DMAP1: variants seen among roughly 807,000 people sequenced by gnomAD.
The protein encoded by DMAP1 is DNA methyltransferase 1-associated protein 1.
DMAP1 carries 26 observed loss-of-function variants against 52.7 expected under a neutral mutation model. That is an observed-to-expected ratio of 0.49 (90% confidence interval 0.36 to 0.68). DMAP1 has a LOEUF of 0.68. Ranked by LOEUF, DMAP1 falls within the 30% of genes least tolerant of loss-of-function variation. The probability of loss-of-function intolerance (pLI) is 0.00; values close to 1 mark genes in which losing one functional copy is unlikely to be tolerated. For synonymous variants in DMAP1, 231 were observed against 246.0 expected, an observed-to-expected ratio of 0.94 and a Z score of 0.57; for missense variants, 439 against 625.2, an observed-to-expected ratio of 0.70 and a Z score of 3.18.
chr1:44,220,351 G>A (rs767896999), intron 9 of DMAP1, 42 bp downstream of exon 9: 3 of 1,522,620 alleles, frequency 2.0e-6, no homozygotes, highest in Non-Finnish European at 2.6e-6. Context: ...TGGGCCCTGC[G>A]AGTGAGCACA....
In DMAP1 at chr1:44,213,790, C is replaced by T. The variant is rs1643730330; in HGVS notation, c.37C>T (p.Leu13Phe). 1.3e-6 allele frequency: 2 copies of T among 1,593,980 alleles called. No homozygotes were observed. Among genetic ancestry groups the T allele is most frequent in the Non-Finnish European group, 1.7e-6 (2 of 1,170,804 alleles). The stretch of plus-strand genomic sequence containing the variant: ...CGCGGATGTACGGGACATTCTAGAA[C>T]TCGGGGGTCCAGAAGGGGATGCAGC... ...TGADVRDILELGGPEGDAASG... is the reference protein window; with the variant it reads ...TGADVRDILEFGGPEGDAASG... Residue 13 changes from leucine to phenylalanine, a missense_variant, in exon 1 of 10, where the codon CTC (leucine) becomes TTC (phenylalanine). Physicochemically the swap from Leu to Phe is conservative, Grantham distance 22. Transcript: ENST00000372289. This position sits in a 1 kb window ranked among gnomAD's most constrained non-coding sequence, Gnocchi z 4.5.
rs765353094 is a variant in DMAP1 at position 44,213,812 on chromosome 1, C to T, written c.59C>T (p.Ala20Val). The T allele has an allele frequency of 6.3e-7, 1 of 1,596,182 alleles. No individual in the cohort carries two copies. Among genetic ancestry groups the T allele is most frequent in the Non-Finnish European group, 8.5e-7 (1 of 1,171,712 alleles). ...GAACTCGGGGGTCCAGAAGGGGATG[C>T]AGCCTCTGGGACCATCAGCAAGAAG... is the stretch of plus-strand genomic sequence containing the variant. ...ILELGGPEGD[A>V]ASGTISKKDI... The change falls in exon 1 of 10, where the codon GCA becomes GTA. Residue 20 changes from alanine (A) to valine (V), a missense_variant. Ala to Val is a moderately conservative substitution (Grantham distance 64). Coordinates refer to ENST00000372289, the MANE Select transcript of DMAP1 (RefSeq NM_019100.5). The surrounding 1 kb of genome is among the most constrained non-coding windows in gnomAD (Gnocchi z 4.5).
At position 44,218,552 on chromosome 1, in the gene DMAP1, T is replaced by C. The variant is rs1643840241; in HGVS notation, c.553-36T>C. On this transcript the variant is annotated intron_variant, in intron 4 of 9. Transcript: ENST00000372289. The surrounding 1 kb of genome is among the most constrained non-coding windows in gnomAD (Gnocchi z 5.6). ...TTATGCCATCTCTTCCACATGCCCC[T>C]GAATGTTCATTCCTCTACCCTGTCT... 5.0e-6 allele frequency: 8 copies of C among 1,608,102 alleles called. No homozygotes were observed. The highest frequency in any genetic ancestry group is 6.8e-6 in the Non-Finnish European group (8 of 1,175,438).
chr1:44,214,430 C>T lies in DMAP1; in HGVS notation c.186C>T (p.Tyr62=), dbSNP rs1352806111. Residue 62 remains tyrosine (Y), a synonymous_variant, in exon 2 of 10, where the codon TAC becomes TAT. Transcript: ENST00000372289. ...GMHREVYALL[Y]SDKKDAPPLL... ...ACCGGGAAGTCTATGCCTTGCTCTA[C>T]TCTGACAAGAAGCAAGTATTGGAGT... is the stretch of plus-strand genomic sequence containing the variant. The T allele has an allele frequency of 6.2e-7, 1 of 1,614,140 alleles. No individual in the cohort carries two copies. The highest frequency in any genetic ancestry group is 8.5e-7 in the Non-Finnish European group (1 of 1,180,006).
intron 3 of DMAP1, chr1:44,215,988 CT>C (rs781565504): frequency 6.6e-6 from 1 of 152,540 alleles, no homozygotes; most frequent in Non-Finnish European, 1.5e-5. Flanking sequence ...ATCTTTGTCC[CT>C]GGGCTGGAGT....
At position 44,219,039 on chromosome 1, in the gene DMAP1, A is replaced by C. The variant is rs769519173; in HGVS notation, c.721-17A>C. ...CTAGAAGTGCCCTCACACACTTCGC[A>C]TCCCTCACTTTCCCAGGTGGCAGAG... On this transcript the variant is annotated splice_polypyrimidine_tract_variant and intron_variant, in intron 5 of 9. Transcript: ENST00000372289. 8 of 1,613,548 alleles carry C rather than the reference A, an allele frequency of 5.0e-6. No homozygotes were observed. The South Asian group carries it at 8.8e-5, about 18-fold the overall frequency.
At chr1:44,217,768 G>T (rs1379754913) in intron 3 of DMAP1, 3 of 208,216 alleles carry the variant, frequency 1.4e-5, no homozygotes, top group Non-Finnish European at 3.0e-5. Context: ...TTGTCTCTGG[G>T]GGAGGTCTGT....
chr1:44,214,041 G>A (rs568169992), intron 1 of DMAP1, among the ~76,000 whole-genome samples, 183 bp downstream of exon 1: 1 of 152,366 alleles, frequency 6.6e-6, no homozygotes, highest in East Asian at 1.9e-4. Context: ...CATCGTGGGA[G>A]ATGGTGGGAC....
intron 2 of DMAP1, 116 bp downstream of exon 2, chr1:44,214,557 TAGC>T: frequency 6.2e-7 from 1 of 1,612,516 alleles, no homozygotes; most frequent in African/African-American, 1.3e-5. Flanking sequence ...CCTGCTTGCT[TAGC>T]AGGATGCAGG....
rs931241626 is a variant in DMAP1, at chr1:44,218,742, G to A, written c.707G>A (p.Arg236Gln). 8 of 1,607,706 alleles carry A rather than the reference G, an allele frequency of 5.0e-6. No individual in the cohort carries two copies. The highest frequency in any genetic ancestry group is 2.2e-5 in the East Asian group (1 of 44,736). The change falls in exon 5 of 10, where the codon CGG (arginine) becomes CAG (glutamine). Residue 236 changes from arginine to glutamine, a missense_variant. Transcript: ENST00000372289. The surrounding 1 kb of genome is among the most constrained non-coding windows in gnomAD (Gnocchi z 5.6). ...GAACAGCTTGAGCGTCTCTACAACCGGACCCCAGAGCAGGTAAGCCCAAGG... is the reference window on the plus strand; with the variant it reads ...GAACAGCTTGAGCGTCTCTACAACCAGACCCCAGAGCAGGTAAGCCCAAGG... Reference protein sequence around the residue: ...RKEQLERLYNRTPEQVAEEEY... With the variant: ...RKEQLERLYNQTPEQVAEEEY...
intron 2 of DMAP1, 125 bp downstream of exon 2, chr1:44,214,566 G>A (rs761562191): frequency 5.0e-6 from 8 of 1,612,408 alleles, no homozygotes; most frequent in South Asian, 3.3e-5. Context: ...TTAGCAGGAT[G>A]CAGGAGGACC....
At position 44,213,680 on chromosome 1, in the gene DMAP1, C is replaced by T. The variant is rs1572023825; in HGVS notation, c.-74C>T. On this transcript the variant is annotated 5_prime_UTR_variant, in exon 1 of 10. Transcript: ENST00000372289. The surrounding 1 kb of genome is among the most constrained non-coding windows in gnomAD (Gnocchi z 4.5). ...CCGCTTAGGTCTGGATTGGCCCCGCCCCCTGACCTGAGCCTGGTCCTTCTT... is the reference window on the plus strand; with the variant it reads ...CCGCTTAGGTCTGGATTGGCCCCGCTCCCTGACCTGAGCCTGGTCCTTCTT... 7.1e-7 allele frequency: 1 copy of T among 1,416,902 alleles called. No homozygotes were observed. Among genetic ancestry groups the T allele is most frequent in the African/African-American group, 1.4e-5 (1 of 70,542 alleles). The allele number at this position is 1,416,902 out of a possible 1,614,324, so 87.8% of individuals were successfully genotyped here.
In DMAP1 at chr1:44,218,350, C is replaced by G. The variant is rs1643836000; in HGVS notation, c.433C>G (p.Leu145Val). ...VPVYSEQEYQ[L>V]YLHDDAWTKA... The stretch of plus-strand genomic sequence containing the variant: ...TGTGTACTCGGAGCAGGAGTACCAG[C>G]TTTATCTCCACGATGATGCTTGGAC... The change falls in exon 4 of 10, where the codon CTT becomes GTT. Residue 145 changes from leucine (L) to valine (V), a missense_variant. By Grantham distance (32) the Leu-to-Val change is conservative. Around this residue, in one of 3 missense-constraint regions of DMAP1, gnomAD observed 118 missense variants for 189.8 expected, o/e 0.62. Transcript: ENST00000372289. This position sits in a 1 kb window ranked among gnomAD's most constrained non-coding sequence, Gnocchi z 5.6. The G allele has an allele frequency of 6.2e-7, 1 of 1,614,114 alleles. No individual in the cohort carries two copies. Among genetic ancestry groups the G allele is most frequent in the Non-Finnish European group, 8.5e-7 (1 of 1,180,046 alleles).
chr1:44,215,810 A>G (rs1643780893), intron 3 of DMAP1: 1 of 167,778 alleles, frequency 6.0e-6, no homozygotes, highest in Admixed American at 5.7e-5. Flanking sequence ...GTAGCTCAGC[A>G]CAGCACGGCC....
chr1:44,215,224 C>A, intron 3 of DMAP1: 1 of 497,764 alleles, frequency 2.0e-6, no homozygotes, highest in Non-Finnish European at 3.9e-6. Flanking sequence ...CTTCAGTTAC[C>A]CTCTCTACAA....
intron 8 of DMAP1, 50 bp downstream of exon 8, chr1:44,219,928 A>G: frequency 6.2e-7 from 1 of 1,613,424 alleles, no homozygotes; most frequent in Non-Finnish European, 8.5e-7. Flanking sequence ...GAGGCTGTGG[A>G]TATAGGTTGG....
At chr1:44,216,308 CATCCTCCACCTCTAGGGCTCAAGCG>C (rs1180989501) in intron 3 of DMAP1, 2 of 151,986 alleles carry the variant, frequency 1.3e-5, no homozygotes, top group Admixed American at 6.6e-5. Flanking sequence ...CAGCTCATTG[CATCCTCCACCTCTAGGGCTCAAGCG>C]ATCCTCCCAC....
intron 3 of DMAP1, chr1:44,217,076 C>A (rs1643808974): frequency 6.6e-6 from 1 of 152,148 alleles, no homozygotes; most frequent in African/African-American, 2.4e-5. Context: ...ATTTCTAAAC[C>A]ATCAGAGACT....
rs1043355960 is a variant in DMAP1 at position 44,213,472 on chromosome 1, C to T, written c.-282C>T. Reference sequence around the variant, plus strand: ...GAATGAGCACCGCCGGAAGTTTCTGCCGCGGCTTTGCGGGGACGGGGGAGT... The same window carrying T: ...GAATGAGCACCGCCGGAAGTTTCTGTCGCGGCTTTGCGGGGACGGGGGAGT... On this transcript the variant is annotated 5_prime_UTR_variant, in exon 1 of 10. Transcript: ENST00000372289. The surrounding 1 kb of genome is among the most constrained non-coding windows in gnomAD (Gnocchi z 4.5). The T allele has an allele frequency of 1.2e-4, 44 of 379,590 alleles. 2 individuals carry two copies. The highest frequency in any genetic ancestry group is 5.2e-4 in the South Asian group (14 of 26,692). The allele number at this position is 379,590 out of a possible 1,614,324, so 23.5% of individuals were successfully genotyped here. A position where few individuals can be genotyped will look rare whatever the true frequency, so the allele number is the denominator to read the frequency against.
Sources: gnomAD v4.1 joint callset for allele counts (sites outside exome capture counted in the v4.1 genomes callset) on GRCh38, gnomAD v4.1.1 for gene constraint, gnomAD v4.1.1 regional missense constraint, Gnocchi (gnomAD v3.1) non-coding constraint, MANE v1.5 for transcripts, NCBI Gene and HGNC (gene_info 2026-07-23, HGNC 2026-07-21) for gene names.